Variants in SORBS2 observed in about 807,000 individuals in gnomAD.
The protein encoded by SORBS2 is sorbin and SH3 domain containing 2.
A neutral mutation model predicts 97.7 loss-of-function variants in SORBS2; 46 were observed. That is an observed-to-expected ratio of 0.47 (90% CI 0.37 to 0.60). The LOEUF (loss-of-function observed/expected upper bound fraction) is 0.60. Among genes scored for constraint, SORBS2 ranks in the 20% least tolerant of loss-of-function variants. The probability of loss-of-function intolerance (pLI) is 0.00; values close to 1 mark genes in which losing one functional copy is unlikely to be tolerated. For synonymous variants in SORBS2, 476 were observed against 473.4 expected (o/e 1.01, Z -0.07); for missense variants, 1,316 against 1,282.3 (o/e 1.03, Z -0.40).
intron 1 of SORBS2, among the ~76,000 whole-genome samples, chr4:185,953,928 A>G (rs2099278414): frequency 1.3e-5 from 2 of 152,226 alleles, no homozygotes; most frequent in Non-Finnish European, 1.5e-5. Context: ...ACCTTGGTCC[A>G]TTATCTCATG....
chr4:185,613,505 G>C (rs1000090978), intron 11 of SORBS2, among the ~76,000 whole-genome samples: 39 of 151,534 alleles, frequency 2.6e-4, no homozygotes, highest in African/African-American at 6.8e-4. Context: ...AAAATTAGCC[G>C]GGTGTGGTGG....
intron 9 of SORBS2, among the ~76,000 whole-genome samples, chr4:185,616,327 G>A (rs2096626511): frequency 6.6e-6 from 1 of 152,134 alleles, no homozygotes; most frequent in Non-Finnish European, 1.5e-5. Flanking sequence ...ATTTAGAAGT[G>A]CTAAAATCTT....
chr4:185,833,995 A>G (rs1170748488), intron 1 of SORBS2, among the ~76,000 whole-genome samples: 1 of 152,240 alleles, frequency 6.6e-6, no homozygotes, highest in African/African-American at 2.4e-5. Flanking sequence ...GGCAGTATGA[A>G]CATAAATTAT....
chr4:185,954,428 T>C (rs1463441899), intron 1 of SORBS2, among the ~76,000 whole-genome samples: 2 of 152,192 alleles, frequency 1.3e-5, no homozygotes, highest in Non-Finnish European at 2.9e-5. Context: ...TTTTAAATAT[T>C]AGATGTACAT....
chr4:185,684,738 G>C lies in SORBS2; in HGVS notation c.-197-5916C>G. 1.3e-6 allele frequency: 2 copies of C among 1,521,112 alleles called. No individual in the cohort carries two copies. The highest frequency in any genetic ancestry group is 1.8e-6 in the Non-Finnish European group (2 of 1,119,378). 94.2% of individuals were successfully genotyped at this position (1,521,112 alleles called of 1,614,324 possible). A position where few individuals can be genotyped will look rare whatever the true frequency, so the allele number is the denominator to read the frequency against. On this transcript the variant is annotated intron_variant, in intron 2 of 20. Transcript: ENST00000284776. The surrounding 1 kb of genome is among the most constrained non-coding windows in gnomAD (Gnocchi z 4.2). ...GCCATTCAAGTGCGACATTGTGTGA[G>C]TTAGTGATATTATACCTGCAGCCAA...
chr4:185,624,012 C>T, exon 7 of SORBS2: 1 of 1,614,224 alleles, frequency 6.2e-7, no homozygotes, highest in East Asian at 2.2e-5. Flanking sequence ...GAGCAGATCA[C>T]CTCGGAGTTC....
intron 1 of SORBS2, among the ~76,000 whole-genome samples, chr4:185,841,610 A>G (rs964939268): frequency 6.6e-6 from 1 of 152,148 alleles, no homozygotes; most frequent in East Asian, 1.9e-4. Flanking sequence ...AACAGTGAGT[A>G]GGTGCATGGG....
intron 1 of SORBS2, among the ~76,000 whole-genome samples, chr4:185,838,623 C>CA (rs2099209626): frequency 6.6e-6 from 1 of 152,220 alleles, no homozygotes; most frequent in Non-Finnish European, 1.5e-5. Flanking sequence ...AGTGATGTGT[C>CA]ACCTTGCATT....
exon 12 of SORBS2, chr4:185,611,865 T>A (rs1379352154): frequency 1.2e-6 from 2 of 1,613,076 alleles, no homozygotes; most frequent in East Asian, 4.6e-5. Flanking sequence ...ACCTTTTGTG[T>A]TCTTCTTGAC....
intron 2 of SORBS2, among the ~76,000 whole-genome samples, chr4:185,715,920 C>G (rs77114307): frequency 1.2e-4 from 18 of 152,168 alleles, no homozygotes; most frequent in Non-Finnish European, 2.2e-4. Context: ...AACAGTCATG[C>G]CCACTGTGCC....
At chr4:185,933,049 C>T (rs2099267225) in intron 1 of SORBS2, 1 of 152,158 alleles carries the variant, frequency 6.6e-6, no homozygotes, top group African/African-American at 2.4e-5. Context: ...ACATGTAGAT[C>T]CCAGGCAGTC....
chr4:185,926,685 C>G lies in SORBS2; in HGVS notation c.-338+29511G>C, dbSNP rs139666587. ...ATTTAAATATTGTTCTGATAAACATCCTTATAGATTTACCTTTGCCCATAT... is the reference window on the plus strand; with the variant it reads ...ATTTAAATATTGTTCTGATAAACATGCTTATAGATTTACCTTTGCCCATAT... On this transcript the variant is annotated intron_variant, in intron 1 of 20. Coordinates refer to the SORBS2 transcript ENST00000284776. Among the ~76,000 whole-genome samples, 363 of 151,866 alleles carry G rather than the reference C, an allele frequency of 2.4e-3. 1 individual carries two copies. The highest frequency in any genetic ancestry group is 8.5e-3 in the African/African-American group (354 of 41,422).
chr4:185,757,820 G>C lies in SORBS2; in HGVS notation c.-198+17407C>G, dbSNP rs2098840078. Among the ~76,000 whole-genome samples the C allele has an allele frequency of 2.0e-5, 3 of 152,192 alleles. No individual in the cohort carries two copies. The South Asian group carries it at 6.2e-4, about 32-fold the overall frequency. On this transcript the variant is annotated intron_variant, in intron 2 of 20. Coordinates refer to the SORBS2 transcript ENST00000284776. ...CTCTCCAGCTAGATCTATACAACTG[G>C]ATGGAGAAGATCAGGCTTAGGTGTT...
At chr4:185,818,724 G>T (rs1041671374) in intron 1 of SORBS2, among the ~76,000 whole-genome samples, 2 of 151,840 alleles carry the variant, frequency 1.3e-5, no homozygotes, top group African/African-American at 4.8e-5. Context: ...TACTTGGGAG[G>T]CTGAGGCAGG....
At position 185,926,474 on chromosome 4, in the gene SORBS2, T is replaced by A. The variant is rs77930704; in HGVS notation, c.-338+29722A>T. 6.6e-3 allele frequency among the ~76,000 whole-genome samples: 1,001 copies of A among 151,834 alleles called. 11 individuals are homozygous for A. Among genetic ancestry groups the A allele is most frequent in the African/African-American group, 0.023 (936 of 41,412 alleles). ...ATCTCGGAGGTGATGGAAACACTCA[T>A]ATATAAATGATGGGAGGACATCTAG... On this transcript the variant is annotated intron_variant, in intron 1 of 20. Transcript: ENST00000284776.
intron 1 of SORBS2, among the ~76,000 whole-genome samples, chr4:185,826,451 T>G (rs2099199860): frequency 6.6e-6 from 1 of 152,174 alleles, no homozygotes; most frequent in Non-Finnish European, 1.5e-5. Context: ...AAATCTTTTC[T>G]TTTTTCTTTG....
At chr4:185,775,995 C>T (rs2098998147) in intron 1 of SORBS2, 1 of 152,218 alleles carries the variant, frequency 6.6e-6, no homozygotes, top group Admixed American at 6.5e-5. Flanking sequence ...ACAGTGACCC[C>T]TGCTTCTGCC....
At chr4:185,762,751 G>A (rs147066900) in intron 2 of SORBS2, among the ~76,000 whole-genome samples, 1 of 152,154 alleles carries the variant, frequency 6.6e-6, no homozygotes, top group African/African-American at 2.4e-5. Flanking sequence ...ATTATTTTTT[G>A]TGTCATTTCT....
chr4:185,859,423 C>T (rs2099222409), intron 1 of SORBS2, among the ~76,000 whole-genome samples: 1 of 152,206 alleles, frequency 6.6e-6, no homozygotes, highest in South Asian at 2.1e-4. Flanking sequence ...GCGTTTCCCA[C>T]ACTCTGTGCA....
Sources: allele counts gnomAD v4.1 joint callset (sites outside exome capture counted in the v4.1 genomes callset), GRCh38; gene constraint gnomAD v4.1.1; non-coding constraint Gnocchi (gnomAD v3.1); transcripts MANE v1.5; gene names NCBI Gene and HGNC (gene_info 2026-07-23, HGNC 2026-07-21).